Variants in THBS2 observed in about 807,000 individuals in gnomAD.
THBS2 encodes thrombospondin-2.
Under a neutral mutation model 135.2 loss-of-function variants are expected in THBS2, and 47 were observed. The observed-to-expected ratio is 0.35, with a 90% CI of 0.28 to 0.44. The LOEUF is 0.44. Ranked by LOEUF, THBS2 falls within the 20% of genes least tolerant of loss-of-function variation. THBS2 has a pLI of 1.00. For synonymous variants in THBS2, 639 were observed against 633.8 expected (o/e 1.01, Z -0.12); for missense variants, 1,288 against 1,603.1 (o/e 0.80, Z 3.36).
chr6:169,232,279 A>G, intron 12 of THBS2, 81 bp from the exon 13 acceptor site: 1 of 1,476,978 alleles, frequency 6.8e-7, no homozygotes, highest in Non-Finnish European at 9.3e-7. Context: ...CGGGCACCGC[A>G]GGCCCCAGCA....
chr6:169,231,462 G>A (rs1779830797), intron 13 of THBS2, among the ~76,000 whole-genome samples: 1 of 152,188 alleles, frequency 6.6e-6, no homozygotes, highest in Non-Finnish European at 1.5e-5. Context: ...TGAGCCTCCC[G>A]GGCCGTGGTG....
chr6:169,232,349 G>A, intron 12 of THBS2, 151 bp from the exon 13 acceptor site: 1 of 900,388 alleles, frequency 1.1e-6, no homozygotes, highest in Non-Finnish European at 1.7e-6. Flanking sequence ...ACACGCACTT[G>A]AGGTGCTGTT....
At position 169,248,406 on chromosome 6, in the gene THBS2, G is replaced by A. The variant is rs563944207; in HGVS notation, c.609+11C>T. On this transcript the variant is annotated intron_variant, in intron 3 of 21. Transcript: ENST00000617924. ...CCTCCCTCACGGCGGCCACCTCCCT[G>A]CAGAGCGTACCCTGAAGTGACTCTC... The A allele has an allele frequency of 3.8e-6, 6 of 1,591,978 alleles. No homozygotes were observed. The highest frequency in any genetic ancestry group is 2.7e-5 in the African/African-American group (2 of 74,686).
intron 21 of THBS2, among the ~76,000 whole-genome samples, chr6:169,218,808 G>GAGATGGATA (rs1779300524): frequency 2.7e-5 from 4 of 146,438 alleles, no homozygotes; most frequent in Middle Eastern, 3.8e-3. Flanking sequence ...TGAGATGGAT[G>GAGATGGATA]AGTGCATGGG....
At chr6:169,249,192 G>A (rs1235473231) in intron 2 of THBS2, among the ~76,000 whole-genome samples, 1 of 152,202 alleles carries the variant, frequency 6.6e-6, no homozygotes, top group Non-Finnish European at 1.5e-5. Context: ...TGGGCCCAAC[G>A]CAGCTGCGGG....
Position 169,233,675 on chromosome 6 carries a change from G to C in THBS2, c.1652-658C>G, listed in dbSNP as rs564270378. ...TCCACAACACACAACTACACCCCAGGTGCCACACCACACAACTACCTATGT... is the reference window on the plus strand; with the variant it reads ...TCCACAACACACAACTACACCCCAGCTGCCACACCACACAACTACCTATGT... On this transcript the variant is annotated intron_variant, in intron 10 of 21. Transcript: ENST00000617924. Among the ~76,000 whole-genome samples, 80 of 138,748 alleles carry C rather than the reference G, an allele frequency of 5.8e-4. 6 individuals are homozygous for C. Among genetic ancestry groups the C allele is most frequent in the African/African-American group, 2.1e-3 (75 of 36,282 alleles). 91.0% of individuals were successfully genotyped at this position (138,748 alleles called of 152,430 possible).
chr6:169,221,134 G>C (rs1053238063), intron 20 of THBS2, among the ~76,000 whole-genome samples: 8 of 152,212 alleles, frequency 5.3e-5, no homozygotes, highest in African/African-American at 1.9e-4. Context: ...ATTCTGCAAA[G>C]ATGCAGTTAT....
chr6:169,218,398 AGATG>A (rs926164162), intron 21 of THBS2, among the ~76,000 whole-genome samples: 7 of 108,612 alleles, frequency 6.4e-5, no homozygotes, highest in African/African-American at 1.5e-4. Flanking sequence ...GGGTTGGTGG[AGATG>A]GATGGGTGGG....
At chr6:169,243,127 ACCTTC>A in intron 4 of THBS2, among the ~76,000 whole-genome samples, 1 of 84,024 alleles carries the variant, frequency 1.2e-5, no homozygotes, top group African/African-American at 4.7e-5. Context: ...CTACCTTCCC[ACCTTC>A]CCACCGCTCC....
intron 13 of THBS2, 24 bp downstream of exon 13, chr6:169,231,956 T>G (rs1199617140): frequency 1.2e-6 from 2 of 1,611,214 alleles, no homozygotes; most frequent in South Asian, 2.2e-5. Flanking sequence ...TGGCCCCGTG[T>G]GCCCTGCGAG....
At chr6:169,218,088 A>G (rs1779248119) in intron 21 of THBS2, among the ~76,000 whole-genome samples, 1 of 61,072 alleles carries the variant, frequency 1.6e-5, no homozygotes, top group Non-Finnish European at 3.0e-5. Flanking sequence ...GGTGGATGAA[A>G]TGGGTGGGTG....
chr6:169,235,318 G>T (rs372097659), intron 9 of THBS2, among the ~76,000 whole-genome samples: 1 of 151,598 alleles, frequency 6.6e-6, no homozygotes, highest in Non-Finnish European at 1.5e-5. Context: ...CACCGTGCCC[G>T]GCCCCACACC....
chr6:169,252,687 G>A lies in THBS2; in HGVS notation c.-23+1037C>T, dbSNP rs1301315759. ...AGGCTACCTGGCCTCAGCCCATCCA[G>A]GGACACCGGGCATGCATGGATGGAG... On this transcript the variant is annotated intron_variant, in intron 1 of 21. Transcript: ENST00000617924. The surrounding 1 kb of genome is among the most constrained non-coding windows in gnomAD (Gnocchi z 4.3). Among the ~76,000 whole-genome samples, 1 of 152,158 alleles carries A rather than the reference G, an allele frequency of 6.6e-6. No individual in the cohort carries two copies. The highest frequency in any genetic ancestry group is 2.4e-5 in the African/African-American group (1 of 41,448).
At chr6:169,239,777 G>A (rs1780227598) in intron 6 of THBS2, 82 bp from the exon 7 acceptor site, 14 of 1,038,194 alleles carry the variant, frequency 1.3e-5, no homozygotes, top group Admixed American at 2.1e-5. Flanking sequence ...AGAAGGGGTC[G>A]ACAGAATGGC....
chr6:169,217,731 TAGAG>T lies in THBS2; in HGVS notation c.*87_*90del, dbSNP rs1208324250. The T allele has an allele frequency of 6.9e-7, 1 of 1,453,068 alleles. No homozygotes were observed. Among genetic ancestry groups the T allele is most frequent in the Admixed American group, 2.0e-5 (1 of 49,982 alleles). The allele number at this position is 1,453,068 out of a possible 1,614,324, so 90.0% of individuals were successfully genotyped here. A position where few individuals can be genotyped will look rare whatever the true frequency, so the allele number is the denominator to read the frequency against. Reference sequence around the variant, plus strand: ...AAGGTCAAGGGACAGGAGGTGCTGCTAGAGAGAGAAGCCACAAGGACCACAATGA... The same window carrying T: ...AAGGTCAAGGGACAGGAGGTGCTGCTAGAGAAGCCACAAGGACCACAATGA... On this transcript the variant is annotated 3_prime_UTR_variant, in exon 22 of 22. Coordinates refer to ENST00000617924, the MANE Select transcript of THBS2 (RefSeq NM_003247.5).
chr6:169,218,376 A>ATGG (rs1779266462), intron 21 of THBS2, among the ~76,000 whole-genome samples: 1 of 89,888 alleles, frequency 1.1e-5, no homozygotes, highest in Admixed American at 1.2e-4. Flanking sequence ...TGGATGGATG[A>ATGG]ATGAGATAGG....
In THBS2 at chr6:169,234,820, T is replaced by C. The variant is rs1012475670; in HGVS notation, c.1565A>G (p.Asn522Ser). The change falls in exon 10 of 22, where the codon AAC becomes AGC. Residue 522 changes from asparagine to serine, a missense_variant. Asn to Ser is a conservative substitution (Grantham distance 46). Around this residue, in one of 2 missense-constraint regions of THBS2, gnomAD observed 874 missense variants for 1,156.1 expected, o/e 0.76. Coordinates refer to ENST00000617924, the MANE Select transcript of THBS2 (RefSeq NM_003247.5). Reference protein sequence around the residue: ...GGIRERTRVCNSPEPQYGGKA... With the variant: ...GGIRERTRVCSSPEPQYGGKA... ...CCCTCCGTACTGAGGCTCAGGGCTG[T>C]TGCAGACCCGGGTGCGCTCCCGGAT... The C allele has an allele frequency of 1.2e-6, 2 of 1,612,816 alleles. No individual in the cohort carries two copies. The highest frequency in any genetic ancestry group is 2.7e-5 in the African/African-American group (2 of 74,896).
intron 2 of THBS2, 128 bp from the exon 3 acceptor site, chr6:169,249,101 C>A (rs2115036145): frequency 1.1e-6 from 1 of 903,360 alleles, no homozygotes; most frequent in South Asian, 1.8e-5. Flanking sequence ...CCCGCAGCTT[C>A]TCTCCCTTTT....
chr6:169,219,852 G>A (rs78797791), intron 21 of THBS2: 18 of 284,170 alleles, frequency 6.3e-5, no homozygotes, highest in South Asian at 5.2e-4. Context: ...CTTCCTGCCT[G>A]CCTGCCATTG....
Sources: allele counts gnomAD v4.1 joint callset (sites outside exome capture counted in the v4.1 genomes callset), GRCh38; gene constraint gnomAD v4.1.1; regional missense constraint gnomAD v4.1.1; non-coding constraint Gnocchi (gnomAD v3.1); transcripts MANE v1.5; gene names NCBI Gene and HGNC (gene_info 2026-07-23, HGNC 2026-07-21).